TMX1: variants seen among roughly 807,000 people sequenced by gnomAD.
TMX1 encodes the protein thioredoxin related transmembrane protein 1, also known as thioredoxin-related transmembrane protein 1.
Under a neutral mutation model 36.6 loss-of-function variants are expected in TMX1, and 25 were observed. The observed-to-expected ratio is 0.68, with a 90% CI of 0.50 to 0.95. The LOEUF is 0.95. TMX1 is among the 40% of genes least tolerant of loss of function. The pLI is 0.00. For missense variants in TMX1, 347 were observed against 339.6 expected (o/e 1.02, Z -0.17); for synonymous variants, 133 against 118.0 (o/e 1.13, Z -0.82).
rs576950312 is a variant in TMX1 at position 51,240,328 on chromosome 14, A to C, written c.36A>C (p.Ala12=). Residue 12 remains alanine, a synonymous_variant, in exon 1 of 8, where the codon GCA becomes GCC. Coordinates refer to ENST00000457354, the MANE Select transcript of TMX1 (RefSeq NM_030755.5). Reference sequence around the variant, plus strand: ...CCGGGAGTCTTGCAGTTCCCCTGGCAGTCCTGGTGCTGTTGCTTTGGGGTG... The same window carrying C: ...CCGGGAGTCTTGCAGTTCCCCTGGCCGTCCTGGTGCTGTTGCTTTGGGGTG... ...APSGSLAVPL[A]VLVLLLWGAP... is the part of the protein sequence containing the mutation. 8.1e-6 allele frequency: 13 copies of C among 1,613,484 alleles called. No individual in the cohort carries two copies. The highest frequency in any genetic ancestry group is 1.3e-5 in the African/African-American group (1 of 74,942).
chr14:51,244,122 C>G, intron 2 of TMX1, 151 bp downstream of exon 2: 1 of 536,160 alleles, frequency 1.9e-6, no homozygotes, highest in Non-Finnish European at 3.1e-6. Flanking sequence ...GTCCACCTCC[C>G]TGCTGGGGGC....
At chr14:51,249,857 G>C (rs2065803861) in intron 7 of TMX1, 92 bp downstream of exon 7, 1 of 966,136 alleles carries the variant, frequency 1.0e-6, no homozygotes, top group Non-Finnish European at 1.5e-6. Context: ...TGCTCTTCCA[G>C]CTTAGAATTC....
At position 51,247,101 on chromosome 14, in the gene TMX1, T is replaced by C. The variant is rs745443439; in HGVS notation, c.324T>C (p.Asp108=). ...TTCTGATTCTCTTTAGTTGTAAAGA[T>C]GGTGAATTTAGGCGCTATCAGGGTC... ...TALPTIYHCK[D]GEFRRYQGPR... is the part of the protein sequence containing the mutation. The change falls in exon 4 of 8, where the codon GAT becomes GAC. Residue 108 remains aspartate, a synonymous_variant. Coordinates refer to ENST00000457354, the MANE Select transcript of TMX1 (RefSeq NM_030755.5). 2 of 1,608,140 alleles carry C rather than the reference T, an allele frequency of 1.2e-6. No individual in the cohort carries two copies. Among genetic ancestry groups the C allele is most frequent in the Non-Finnish European group, 1.7e-6 (2 of 1,178,166 alleles).
chr14:51,247,853 G>A (rs1397118412), intron 4 of TMX1, among the ~76,000 whole-genome samples: 3 of 152,270 alleles, frequency 2.0e-5, no homozygotes, highest in Non-Finnish European at 2.9e-5. Context: ...GCTATCACTC[G>A]AGTGTAATAA....
At chr14:51,249,409 C>T (rs749101286) in intron 5 of TMX1, 38 bp downstream of exon 5, 6 of 1,592,274 alleles carry the variant, frequency 3.8e-6, no homozygotes, top group Non-Finnish European at 2.6e-6. Flanking sequence ...ACATTTTTAC[C>T]ACTATCACTT....
chr14:51,250,342 C>A (rs7350715), intron 7 of TMX1, among the ~76,000 whole-genome samples: 113,917 of 152,146 alleles, frequency 0.75, 42,771 homozygotes, highest in Non-Finnish European at 0.77. Flanking sequence ...CTCTTCAGCA[C>A]CTCTGTAGTA....
At chr14:51,244,034 T>C in intron 2 of TMX1, 63 bp downstream of exon 2, 1 of 1,329,306 alleles carries the variant, frequency 7.5e-7, no homozygotes, top group East Asian at 2.4e-5. Flanking sequence ...TTATCCTTTT[T>C]TCTACATTGC....
chr14:51,250,994 CG>C lies in TMX1; in HGVS notation c.664+1230del, dbSNP rs1450676149. On this transcript the variant is annotated intron_variant, in intron 7 of 7. Transcript: ENST00000457354. ...GGGCCACTGATGTCTAGGAAAAAAA[CG>C]TAAGCACAGATTACTTAAAAGACAA... 2.0e-5 allele frequency among the ~76,000 whole-genome samples: 3 copies of C among 152,136 alleles called. No homozygotes were observed. In the East Asian group the frequency reaches 5.8e-4, roughly 29 times the overall value.
chr14:51,249,894 G>C (rs1214486015), intron 7 of TMX1, 129 bp downstream of exon 7: 3 of 666,464 alleles, frequency 4.5e-6, no homozygotes, highest in Non-Finnish European at 7.5e-6. Flanking sequence ...GTCTTTATCA[G>C]CTATGGCATA....
At chr14:51,244,097 T>G (rs911773283) in intron 2 of TMX1, 126 bp downstream of exon 2, 2 of 729,258 alleles carry the variant, frequency 2.7e-6, no homozygotes, top group Non-Finnish European at 4.1e-6. Flanking sequence ...AGTCTGCAGC[T>G]AGTTAACCTG....
chr14:51,240,850 A>G (rs1038125258), intron 1 of TMX1, among the ~76,000 whole-genome samples: 7 of 152,202 alleles, frequency 4.6e-5, no homozygotes, highest in Non-Finnish European at 7.3e-5. Flanking sequence ...ACATAAGAGA[A>G]TATTGAGCAA....
Position 51,249,610 on chromosome 14 carries a change from T to C in TMX1, c.591+41T>C, listed in dbSNP as rs374828455. The C allele has an allele frequency of 8.2e-5, 131 of 1,598,248 alleles. 1 individual carries two copies. The highest frequency in any genetic ancestry group is 1.0e-4 in the Non-Finnish European group (121 of 1,169,956). ...TTGGAGTGCTAGGAAGAAAGATATT[T>C]AAAAATGTGATTATTTAAAATAGTT... On this transcript the variant is annotated intron_variant, in intron 6 of 7. Transcript: ENST00000457354.
chr14:51,254,572 ATC>A lies in TMX1; in HGVS notation c.*54_*55del. On this transcript the variant is annotated 3_prime_UTR_variant, in exon 8 of 8. Transcript: ENST00000457354. ...TGATTTTGATAAAAACAGAAGATTG[ATC>A]ATTTTGTTTGGTTTGAAGTGAACTG... 6.6e-7 allele frequency: 1 copy of A among 1,511,522 alleles called. No individual in the cohort carries two copies. The highest frequency in any genetic ancestry group is 2.2e-5 in the Admixed American group (1 of 44,528). The allele number at this position is 1,511,522 out of a possible 1,614,324, so 93.6% of individuals were successfully genotyped here. A position where few individuals can be genotyped will look rare whatever the true frequency, so the allele number is the denominator to read the frequency against.
At chr14:51,241,331 G>GT (rs2065759821) in intron 1 of TMX1, among the ~76,000 whole-genome samples, 1 of 152,162 alleles carries the variant, frequency 6.6e-6, no homozygotes, top group Non-Finnish European at 1.5e-5. Context: ...CATATTAGCA[G>GT]TATTTACTGA....
At chr14:51,244,310 T>C (rs546797449) in intron 2 of TMX1, 3 of 163,142 alleles carry the variant, frequency 1.8e-5, no homozygotes, top group African/African-American at 7.2e-5. Flanking sequence ...AAGATGCCTT[T>C]GAGAAGTCCT....
At chr14:51,241,676 A>G (rs2065762166) in intron 1 of TMX1, among the ~76,000 whole-genome samples, 1 of 152,204 alleles carries the variant, frequency 6.6e-6, no homozygotes, top group African/African-American at 2.4e-5. Flanking sequence ...AGCAAAATAA[A>G]TAAGTAAATA....
intron 2 of TMX1, 55 bp downstream of exon 2, chr14:51,244,026 A>T: frequency 7.0e-7 from 1 of 1,421,152 alleles, no homozygotes; most frequent in Non-Finnish European, 9.6e-7. Flanking sequence ...TGATATATTT[A>T]TCCTTTTTTC....
At chr14:51,251,871 T>A (rs1017860504) in intron 7 of TMX1, among the ~76,000 whole-genome samples, 1 of 152,176 alleles carries the variant, frequency 6.6e-6, no homozygotes, top group African/African-American at 2.4e-5. Flanking sequence ...GGACCACTAT[T>A]TGAGAACCCC....
At chr14:51,243,744 T>G (rs2065772730) in intron 1 of TMX1, 112 bp from the exon 2 acceptor site, 1 of 735,960 alleles carries the variant, frequency 1.4e-6, no homozygotes, top group South Asian at 2.9e-5. Context: ...TCATCTTCAG[T>G]GTTTTCATAT....
Sources: allele counts gnomAD v4.1 joint callset (sites outside exome capture counted in the v4.1 genomes callset), GRCh38; gene constraint gnomAD v4.1.1; transcripts MANE v1.5; gene names NCBI Gene and HGNC (gene_info 2026-07-23, HGNC 2026-07-21).